MTMR3: variants seen among roughly 807,000 people sequenced by gnomAD.
The protein encoded by MTMR3 is phosphatidylinositol-3,5-bisphosphate 3-phosphatase MTMR3.
In MTMR3, 32 loss-of-function variants were observed where a neutral mutation model predicts 132.4. The observed-to-expected ratio is 0.24, with a 90% CI of 0.18 to 0.32. The LOEUF (loss-of-function observed/expected upper bound fraction) is 0.32. Ranked by LOEUF, MTMR3 falls within the 10% of genes least tolerant of loss-of-function variation. The pLI is 1.00. For synonymous variants in MTMR3, 556 were observed against 550.3 expected (o/e 1.01, Z -0.14); for missense variants, 1,216 against 1,489.6 (o/e 0.82, Z 3.02).
In MTMR3 at chr22:30,020,490, G is replaced by C; in HGVS notation, c.2831G>C (p.Gly944Ala). 1 of 1,614,180 alleles carries C rather than the reference G, an allele frequency of 6.2e-7. No homozygotes were observed. The highest frequency in any genetic ancestry group is 1.1e-5 in the South Asian group (1 of 91,084). Reference protein sequence around the residue: ...TENRASEQPPGLSTLQMYPTP... With the variant: ...TENRASEQPPALSTLQMYPTP... ...AACAGGGCCTCAGAGCAGCCCCCAGGTCTTAGCACCCTCCAGATGTACCCC... is the reference window on the plus strand; with the variant it reads ...AACAGGGCCTCAGAGCAGCCCCCAGCTCTTAGCACCCTCCAGATGTACCCC... The change falls in exon 17 of 20, where the codon GGT becomes GCT. Residue 944 changes from glycine (G) to alanine (A), a missense_variant. By Grantham distance (60) the Gly-to-Ala change is moderately conservative. Transcript: ENST00000401950.
chr22:29,978,986 C>T lies in MTMR3; in HGVS notation c.144C>T (p.Ala48=), dbSNP rs191264177. Residue 48 remains alanine (A), a synonymous_variant, in exon 5 of 20, where the codon GCC becomes GCT. Coordinates refer to ENST00000401950, the MANE Select transcript of MTMR3 (RefSeq NM_021090.4). ...AGAGCACAGAGTTTGTGGGCCGTGC[C>T]GAGGATGCCATCATTGCCCTTTCCA... ...HGESTEFVGR[A]EDAIIALSNY... 9.9e-6 allele frequency: 16 copies of T among 1,613,916 alleles called. No homozygotes were observed. The highest frequency in any genetic ancestry group is 5.0e-5 in the Admixed American group (3 of 59,988).
At chr22:29,887,796 G>A (rs2064708075) in intron 1 of MTMR3, among the ~76,000 whole-genome samples, 1 of 152,190 alleles carries the variant, frequency 6.6e-6, no homozygotes, top group Non-Finnish European at 1.5e-5. Context: ...CAGTGTCATA[G>A]GGTAATGAAA....
At chr22:30,003,257 T>A in intron 9 of MTMR3, 1 of 307,314 alleles carries the variant, frequency 3.3e-6, no homozygotes, top group Non-Finnish European at 6.1e-6. Context: ...TCAATATCCT[T>A]CTTACATTCT....
rs1409442418 is a variant in MTMR3 at position 30,030,821 on chromosome 22, A to G, written c.*5020A>G. The G allele has an allele frequency of 6.6e-6, 1 of 152,312 alleles. No individual in the cohort carries two copies. Among genetic ancestry groups the G allele is most frequent in the East Asian group, 1.9e-4 (1 of 5,336 alleles). The allele number at this position is 152,312 out of a possible 1,614,324, so 9.4% of individuals were successfully genotyped here. On this transcript the variant is annotated 3_prime_UTR_variant, in exon 20 of 20. Transcript: ENST00000401950. The stretch of plus-strand genomic sequence containing the variant: ...GATTTAAAAGTAAGATCTGGTATGA[A>G]GAAAGGTTTTGTTTGTTTCTTAAAA...
intron 19 of MTMR3, 55 bp from the exon 20 acceptor site, chr22:30,025,575 C>T: frequency 6.3e-7 from 1 of 1,592,934 alleles, no homozygotes; most frequent in Non-Finnish European, 8.6e-7. Flanking sequence ...AGTTGGTTTC[C>T]CTCCGCATAC....
At position 30,017,964 on chromosome 22, in the gene MTMR3, T is replaced by C. The variant is rs761171490; in HGVS notation, c.1712T>C (p.Leu571Pro). 29 of 1,613,776 alleles carry C rather than the reference T, an allele frequency of 1.8e-5. No homozygotes were observed. The highest frequency in any genetic ancestry group is 1.7e-4 in the Admixed American group (10 of 59,926). ...GTGTGCCATGTGCGTAACCTGATGC[T>C]GTGGAGTGCAGTGTACCTGCCCTGC... Reference protein sequence around the residue: ...YPVCHVRNLMLWSAVYLPCPS... With the variant: ...YPVCHVRNLMPWSAVYLPCPS... Residue 571 changes from leucine (L) to proline (P), a missense_variant, in exon 16 of 20, where the codon CTG (leucine) becomes CCG (proline). Physicochemically the swap from Leu to Pro is moderately conservative, Grantham distance 98 (BLOSUM62 -3). Around this residue, in one of 7 missense-constraint regions of MTMR3, gnomAD observed 852 missense variants for 852.0 expected, o/e 1.00. Transcript: ENST00000401950.
intron 1 of MTMR3, among the ~76,000 whole-genome samples, chr22:29,910,723 T>TC (rs891415399): frequency 6.6e-6 from 1 of 152,116 alleles, no homozygotes; most frequent in Non-Finnish European, 1.5e-5. Flanking sequence ...CCTTTTTTTT[T>TC]TTTTTAACCT....
In MTMR3 at chr22:30,020,653, A is replaced by G; in HGVS notation, c.2994A>G (p.Ser998=). The change falls in exon 17 of 20, where the codon TCA becomes TCG. Residue 998 remains serine, a synonymous_variant. Transcript: ENST00000401950. The part of the protein sequence containing the change: ...NLHHKWLHSH[S]GRPSATSSPD... ...ACCACAAGTGGCTGCATAGCCACTC[A>G]GGAAGGCCATCTGCAACCAGCAGCC... 1.2e-6 allele frequency: 2 copies of G among 1,614,228 alleles called. No individual in the cohort carries two copies. Among genetic ancestry groups the G allele is most frequent in the Non-Finnish European group, 1.7e-6 (2 of 1,180,044 alleles).
chr22:29,996,580 C>T (rs1312538446), intron 7 of MTMR3: 2 of 152,184 alleles, frequency 1.3e-5, no homozygotes, highest in Non-Finnish European at 2.9e-5. Flanking sequence ...GAAATACTTA[C>T]AGCTTTTGCA....
At position 30,020,347 on chromosome 22, in the gene MTMR3, G is replaced by C. The variant is rs1336853899; in HGVS notation, c.2688G>C (p.Gly896=). 6.2e-7 allele frequency: 1 copy of C among 1,614,216 alleles called. No homozygotes were observed. Among genetic ancestry groups the C allele is most frequent in the East Asian group, 2.2e-5 (1 of 44,884 alleles). ...ETSLVERPQV[G]SVVHRTSLGS... ...GCCTGGTCGAGAGGCCCCAAGTGGG[G>C]TCTGTGGTGCATAGGACTTCCCTTG... Residue 896 remains glycine (G), a synonymous_variant, in exon 17 of 20, where the codon GGG becomes GGC. Transcript: ENST00000401950.
chr22:30,026,994 G>A lies in MTMR3; in HGVS notation c.*1193G>A, dbSNP rs886735634. 1 of 152,804 alleles carries A rather than the reference G, an allele frequency of 6.5e-6. No homozygotes were observed. Among genetic ancestry groups the A allele is most frequent in the African/African-American group, 2.4e-5 (1 of 41,442 alleles). The allele number at this position is 152,804 out of a possible 1,614,324, so 9.5% of individuals were successfully genotyped here. A position where few individuals can be genotyped will look rare whatever the true frequency, so the allele number is the denominator to read the frequency against. On this transcript the variant is annotated 3_prime_UTR_variant, in exon 20 of 20. Coordinates refer to ENST00000401950, the MANE Select transcript of MTMR3 (RefSeq NM_021090.4). ...AAGGGCCACTTGGTGACTTCGTAGG[G>A]TTCCTTAGAGAAGTGACATGGCCTT...
chr22:29,991,445 C>T, intron 6 of MTMR3, 59 bp from the exon 7 acceptor site: 3 of 1,497,204 alleles, frequency 2.0e-6, no homozygotes, highest in Admixed American at 4.5e-5. Flanking sequence ...AATGGCTTTT[C>T]TTACATTTCA....
intron 5 of MTMR3, chr22:29,979,264 AG>A: frequency 2.7e-6 from 1 of 375,814 alleles, no homozygotes; most frequent in East Asian, 6.0e-5. Context: ...AGGCCAAGGC[AG>A]GCAGATCACG....
At chr22:29,963,346 G>T (rs1427955406) in intron 2 of MTMR3, among the ~76,000 whole-genome samples, 45 of 151,398 alleles carry the variant, frequency 3.0e-4, no homozygotes, top group Non-Finnish European at 4.4e-5. Context: ...TCTTTTCAAA[G>T]TGTTGGGATT....
intron 1 of MTMR3, among the ~76,000 whole-genome samples, chr22:29,907,447 C>G (rs552091197): frequency 6.6e-6 from 1 of 151,982 alleles, no homozygotes; most frequent in South Asian, 2.1e-4. Flanking sequence ...CCTCTAAAAC[C>G]CATTACTAAA....
At chr22:29,999,782 A>C (rs1189348792) in intron 8 of MTMR3, 1 of 151,898 alleles carries the variant, frequency 6.6e-6, no homozygotes, top group Admixed American at 6.6e-5. Flanking sequence ...TTGGGAGGCC[A>C]AGGCAGATCA....
At chr22:29,932,731 C>A (rs1255489060) in intron 1 of MTMR3, among the ~76,000 whole-genome samples, 1 of 151,970 alleles carries the variant, frequency 6.6e-6, no homozygotes, top group African/African-American at 2.4e-5. Flanking sequence ...AATATTTATC[C>A]CTGTCATAGT....
chr22:30,012,293 A>G, intron 12 of MTMR3, 75 bp from the exon 13 acceptor site: 1 of 1,491,886 alleles, frequency 6.7e-7, no homozygotes, highest in Non-Finnish European at 9.1e-7. Context: ...TTGCTTTTTC[A>G]TTTGACAATC....
At chr22:29,973,093 G>A (rs958384075) in intron 3 of MTMR3, among the ~76,000 whole-genome samples, 6 of 152,164 alleles carry the variant, frequency 3.9e-5, no homozygotes, top group Non-Finnish European at 8.8e-5. Flanking sequence ...CATTTAGAGT[G>A]TATGTCCTTA....
Sources: allele counts gnomAD v4.1 joint callset (sites outside exome capture counted in the v4.1 genomes callset), GRCh38; gene constraint gnomAD v4.1.1; regional missense constraint gnomAD v4.1.1; transcripts MANE v1.5; gene names NCBI Gene and HGNC (gene_info 2026-07-23, HGNC 2026-07-21).